The following TENM2 variants were observed in gnomAD, a reference collection of about 807,000 sequenced individuals.
The protein encoded by TENM2 is teneurin transmembrane protein 2, also known as teneurin-2.
A neutral mutation model predicts 245.2 loss-of-function variants in TENM2; 52 were observed. That is an observed-to-expected ratio of 0.21 (90% CI 0.17 to 0.27). The LOEUF (loss-of-function observed/expected upper bound fraction) is 0.27, where lower values mean the gene tolerates loss of function less well. Ranked by LOEUF, TENM2 falls within the 10% of genes least tolerant of loss-of-function variation. The probability of loss-of-function intolerance (pLI) is 1.00; values close to 1 mark genes in which losing one functional copy is unlikely to be tolerated. For missense variants in TENM2, 3,046 were observed against 3,666.8 expected (o/e 0.83, Z 4.37); for synonymous variants, 1,363 against 1,438.9 (o/e 0.95, Z 1.19).
intron 27 of TENM2, among the ~76,000 whole-genome samples, chr5:168,249,717 C>A (rs892460153): frequency 2.6e-5 from 4 of 151,950 alleles, no homozygotes; most frequent in Non-Finnish European, 4.4e-5. Context: ...GAATTAGCTG[C>A]GTGTGGTGGC....
At chr5:167,922,129 A>G (rs1424286311) in intron 3 of TENM2, among the ~76,000 whole-genome samples, 2 of 152,220 alleles carry the variant, frequency 1.3e-5, no homozygotes, top group African/African-American at 2.4e-5. Flanking sequence ...ATGGTCTTTT[A>G]GGTTCTACTA....
intron 2 of TENM2, among the ~76,000 whole-genome samples, chr5:167,605,210 T>C (rs1776944074): frequency 6.6e-6 from 1 of 152,176 alleles, no homozygotes; most frequent in Non-Finnish European, 1.5e-5. Flanking sequence ...GAACGTACGA[T>C]TCTATGTTCA....
At chr5:167,281,682 G>C (rs1338680744), upstream of TENM2, among the ~76,000 whole-genome samples, 1 of 152,100 alleles carries the variant, frequency 6.6e-6, no homozygotes, top group African/African-American at 2.4e-5. Flanking sequence ...AAACACTAAA[G>C]TTCTTGAACT....
chr5:167,045,812 C>T, the TENM2 span, among the ~76,000 whole-genome samples: 31 of 152,286 alleles, frequency 2.0e-4, no homozygotes, highest in African/African-American at 4.6e-4. Flanking sequence ...AGCAAACCAA[C>T]GGGTTATTCA....
the TENM2 span, among the ~76,000 whole-genome samples, chr5:167,245,304 G>A: frequency 6.6e-6 from 1 of 152,110 alleles, no homozygotes; most frequent in Non-Finnish European, 1.5e-5. Flanking sequence ...CTTCCCACTA[G>A]CTAAAGTGTA....
the TENM2 span, among the ~76,000 whole-genome samples, chr5:167,006,185 G>T: frequency 3.3e-5 from 5 of 152,030 alleles, no homozygotes; most frequent in African/African-American, 7.3e-5. Flanking sequence ...TGGCCAGGCT[G>T]ACCAGATATA....
intron 5 of TENM2, among the ~76,000 whole-genome samples, chr5:168,002,759 T>C (rs910622923): frequency 6.6e-6 from 1 of 152,256 alleles, no homozygotes; most frequent in African/African-American, 2.4e-5. Flanking sequence ...TGTTAATTAA[T>C]TTACAGTTTA....
chr5:167,528,734 C>T (rs1771286194), intron 2 of TENM2, among the ~76,000 whole-genome samples: 1 of 152,130 alleles, frequency 6.6e-6, no homozygotes, highest in African/African-American at 2.4e-5. Flanking sequence ...CGTAGCTGCT[C>T]AGCGACTGAT....
intron 2 of TENM2, among the ~76,000 whole-genome samples, chr5:167,538,034 C>T (rs1439037125): frequency 6.6e-6 from 1 of 152,196 alleles, no homozygotes; most frequent in Non-Finnish European, 1.5e-5. Flanking sequence ...TGAGGAGTTT[C>T]TAATCAGGAG....
chr5:168,087,907 C>A (rs1792599627), intron 7 of TENM2, among the ~76,000 whole-genome samples: 1 of 152,206 alleles, frequency 6.6e-6, no homozygotes, highest in Admixed American at 6.5e-5. Context: ...GAGCCCCTGG[C>A]TAGCCGATTC....
intron 27 of TENM2, among the ~76,000 whole-genome samples, chr5:168,255,075 A>G (rs994236239): frequency 2.6e-5 from 4 of 151,878 alleles, no homozygotes; most frequent in African/African-American, 9.7e-5. Flanking sequence ...AAGAAAGAAA[A>G]GAAAAAAGGA....
At position 167,765,785 on chromosome 5, in the gene TENM2, C is replaced by T. The variant is rs115419309; in HGVS notation, c.503-110201C>T. Among the ~76,000 whole-genome samples the T allele has an allele frequency of 6.3e-3, 952 of 152,206 alleles. 12 individuals carry two copies. The highest frequency in any genetic ancestry group is 0.022 in the African/African-American group (907 of 41,524). ...TGCCAGGGCTGATGAATATATGCAC[C>T]GGACACATTCTTTCTAACCGTTTCT... On this transcript the variant is annotated intron_variant, in intron 2 of 28. Transcript: ENST00000518659.
At chr5:168,109,715 A>G (rs1388025068) in intron 9 of TENM2, among the ~76,000 whole-genome samples, 1 of 152,224 alleles carries the variant, frequency 6.6e-6, no homozygotes, top group East Asian at 1.9e-4. Context: ...TCCCATGCAC[A>G]TTCAAGTTTG....
At position 167,285,318 on chromosome 5, in the gene TENM2, A is replaced by C. The variant is rs191794184; in HGVS notation, c.226+255A>C. Among the ~76,000 whole-genome samples the C allele has an allele frequency of 9.2e-5, 14 of 152,174 alleles. No individual in the cohort carries two copies. The East Asian group carries it at 2.7e-3, about 29-fold the overall frequency. On this transcript the variant is annotated intron_variant, in intron 1 of 28. Transcript: ENST00000518659. ...GCCTCAAATTTCTATTCCTTTTCCC[A>C]TTGGGTTTCTCACTTAGATTCTCCT...
At chr5:167,097,605 A>G in the TENM2 span, among the ~76,000 whole-genome samples, 2 of 152,198 alleles carry the variant, frequency 1.3e-5, no homozygotes, top group Non-Finnish European at 1.5e-5. Context: ...TTGTATTTCT[A>G]TGTACGTTAA....
chr5:167,241,521 T>A, the TENM2 span, among the ~76,000 whole-genome samples: 1 of 152,260 alleles, frequency 6.6e-6, no homozygotes. Context: ...AGGATGAACA[T>A]TGCACACTGA....
rs55977607 is a variant in TENM2 at position 168,155,892 on chromosome 5, T to TAAAAA, written c.2423-6691_2423-6687dup. On this transcript the variant is annotated intron_variant, in intron 12 of 28. Transcript: ENST00000518659. The stretch of plus-strand genomic sequence containing the variant: ...TTCCATTTAATACCTCTGGCATCTG[T>TAAAAA]AAAAAAAAAAAAAAAAAAAAAAAAA... Among the ~76,000 whole-genome samples the TAAAAA allele has an allele frequency of 3.4e-3, 334 of 96,902 alleles. 6 individuals carry two copies. Among genetic ancestry groups the TAAAAA allele is most frequent in the African/African-American group, 0.012 (321 of 27,606 alleles). 63.6% of individuals were successfully genotyped at this position (96,902 alleles called of 152,430 possible).
chr5:167,484,831 C>G (rs1449785882), intron 2 of TENM2, among the ~76,000 whole-genome samples: 1 of 152,138 alleles, frequency 6.6e-6, no homozygotes, highest in African/African-American at 2.4e-5. Flanking sequence ...TCAAAAAAAT[C>G]AAATTCCTCC....
intron 2 of TENM2, among the ~76,000 whole-genome samples, chr5:167,404,073 T>C (rs1395214221): frequency 1.3e-5 from 2 of 152,122 alleles, no homozygotes; most frequent in Admixed American, 1.3e-4. Flanking sequence ...AAATTATTTC[T>C]CCTCTTAACT....
Sources: allele counts gnomAD v4.1 joint callset (sites outside exome capture counted in the v4.1 genomes callset), GRCh38; gene constraint gnomAD v4.1.1; transcripts MANE v1.5; gene names NCBI Gene and HGNC (gene_info 2026-07-23, HGNC 2026-07-21).